The following NEB variants were observed in gnomAD, a reference collection of about 807,000 sequenced individuals.
NEB encodes nebulin.
Under a neutral mutation model 952.2 loss-of-function variants are expected in NEB, and 512 were observed. The ratio of observed to expected loss-of-function variants is 0.54; its 90% confidence interval spans 0.50 to 0.58. The LOEUF (loss-of-function observed/expected upper bound fraction) is 0.58. NEB is among the 20% of genes least tolerant of loss of function. The probability of loss-of-function intolerance (pLI) is 0.00; values close to 1 mark genes in which losing one functional copy is unlikely to be tolerated. For synonymous variants in NEB, 2,900 were observed against 3,149.8 expected (o/e 0.92, Z 2.66); for missense variants, 8,428 against 9,231.1 (o/e 0.91, Z 3.56).
intron 24 of NEB, chr2:151,689,580 G>A (rs1447515301): frequency 6.6e-6 from 1 of 152,140 alleles, no homozygotes; most frequent in Non-Finnish European, 1.5e-5. Context: ...TGTAAGGAAG[G>A]GAGTGTAAAG....
At position 151,570,312 on chromosome 2, in the gene NEB, G is replaced by A. The variant is rs2153756702; in HGVS notation, c.17199C>T (p.Arg5733=). The change falls in exon 109 of 182, where the codon CGC becomes CGT. Residue 5733 remains arginine (R), a synonymous_variant. Coordinates refer to ENST00000397345, the MANE Select transcript of NEB (RefSeq NM_001164508.2). Reference sequence around the variant, plus strand: ...GGAGCTTGTCAGCTATGAGGGCCCAGCGGATCTTGTTGTCATCCCTGGCTG... The same window carrying A: ...GGAGCTTGTCAGCTATGAGGGCCCAACGGATCTTGTTGTCATCCCTGGCTG... The part of the protein sequence containing the change: ...TLTARDDNKI[R]WALIADKLQN... 2 of 1,610,942 alleles carry A rather than the reference G, an allele frequency of 1.2e-6. No individual in the cohort carries two copies. Among genetic ancestry groups the A allele is most frequent in the Non-Finnish European group, 1.7e-6 (2 of 1,177,610 alleles).
intron 56 of NEB, 83 bp downstream of exon 56, chr2:151,644,385 T>C: frequency 2.3e-6 from 3 of 1,328,606 alleles, no homozygotes; most frequent in East Asian, 4.6e-5. Flanking sequence ...CCCTTAGATT[T>C]TGTTCAATTT....
In NEB at chr2:151,697,147, C is replaced by G. The variant is rs1220787593; in HGVS notation, c.1470+1G>C. The G allele has an allele frequency of 6.2e-7, 1 of 1,606,738 alleles. No individual in the cohort carries two copies. On this transcript the variant is annotated splice_donor_variant, in intron 16 of 181. Transcript: ENST00000397345. LOFTEE classifies it high-confidence loss of function. Reference sequence around the variant, plus strand: ...ATTCAAAGTTCAGACTACAGACTTACGTCTTTACACTGATCTAGTTTCTTA... The same window carrying G: ...ATTCAAAGTTCAGACTACAGACTTAGGTCTTTACACTGATCTAGTTTCTTA...
chr2:151,505,678 GTAAA>G, intron 164 of NEB, 108 bp from the exon 165 acceptor site: 1 of 896,226 alleles, frequency 1.1e-6, no homozygotes, highest in East Asian at 2.4e-5. Flanking sequence ...AATTAACAGT[GTAAA>G]TAACGCAGGC....
chr2:151,544,368 C>T (rs10186956), intron 135 of NEB, among the ~76,000 whole-genome samples: 1,549 of 152,194 alleles, frequency 0.01, 34 homozygotes, highest in African/African-American at 0.035. Context: ...AGATGTGGTG[C>T]GGTGGTTTTC....
chr2:151,492,164 C>T lies in NEB; in HGVS notation c.24991G>A (p.Gly8331Ser). ...ATTTCTACCACTTTCCTCTGAATACCTCGGTAGTTAATGTCACTGAAGTCC... is the reference window on the plus strand; with the variant it reads ...ATTTCTACCACTTTCCTCTGAATACTTCGGTAGTTAATGTCACTGAAGTCC... ...MQDFSDINYRGIQRKVVEMEQ... is the reference protein window; with the variant it reads ...MQDFSDINYRSIQRKVVEMEQ... The change falls in exon 178 of 182, where the codon GGT (glycine) becomes AGT (serine). Residue 8331 changes from glycine to serine, a missense_variant. Physicochemically the swap from Gly to Ser is moderately conservative, Grantham distance 56. This residue lies in a region of NEB where 3,374 missense variants were observed against 3,651.5 expected (regional missense o/e 0.92). Transcript: ENST00000397345. The T allele has an allele frequency of 1.2e-6, 2 of 1,613,858 alleles. No homozygotes were observed. Among genetic ancestry groups the T allele is most frequent in the Non-Finnish European group, 1.7e-6 (2 of 1,179,856 alleles).
chr2:151,578,535 C>T (rs2096965054), intron 105 of NEB, among the ~76,000 whole-genome samples: 1 of 151,610 alleles, frequency 6.6e-6, no homozygotes, highest in African/African-American at 2.4e-5. Context: ...GTGGCATGTG[C>T]TTGTAATCCC....
chr2:151,699,783 G>A (rs1320639379), intron 13 of NEB, among the ~76,000 whole-genome samples: 1 of 146,354 alleles, frequency 6.8e-6, no homozygotes, highest in Non-Finnish European at 1.5e-5. Context: ...AGATGAGTAG[G>A]TTGCGAAAAT....
At chr2:151,529,179 CA>C (rs1193245567) in intron 146 of NEB, 30 bp downstream of exon 146, 2 of 1,435,010 alleles carry the variant, frequency 1.4e-6, no homozygotes, top group African/African-American at 2.8e-5. Flanking sequence ...GTAAATCCCC[CA>C]CCATGCTTGG....
At chr2:151,508,794 C>T (rs921847111) in intron 161 of NEB, among the ~76,000 whole-genome samples, 2 of 152,258 alleles carry the variant, frequency 1.3e-5, no homozygotes, top group Admixed American at 1.3e-4. Context: ...CCTTGGGCTC[C>T]CCTGTCCTGC....
intron 63 of NEB, among the ~76,000 whole-genome samples, chr2:151,636,649 T>C (rs377131345): frequency 6.6e-6 from 1 of 152,080 alleles, no homozygotes; most frequent in African/African-American, 2.4e-5. Flanking sequence ...GGTGTGGTGG[T>C]GCATGCCTGC....
chr2:151,711,648 G>A (rs1391490365), intron 10 of NEB, among the ~76,000 whole-genome samples: 2 of 152,120 alleles, frequency 1.3e-5, no homozygotes, highest in African/African-American at 4.8e-5. Context: ...ACTTGACTTT[G>A]TCTTGACCAA....
chr2:151,496,163 A>G (rs1376200608), intron 173 of NEB, 113 bp downstream of exon 173: 3 of 1,237,918 alleles, frequency 2.4e-6, no homozygotes, highest in Non-Finnish European at 3.4e-6. Flanking sequence ...TTGCTAAAGA[A>G]ATTTCACAAA....
intron 140 of NEB, 76 bp downstream of exon 140, chr2:151,537,796 T>G: frequency 1.0e-6 from 1 of 965,316 alleles, no homozygotes. Flanking sequence ...TTCTTCAGTT[T>G]TTATGCCATG....
rs151204359 is a variant in NEB at position 151,657,936 on chromosome 2, G to A, written c.6183+47C>T. 1.3e-4 allele frequency: 172 copies of A among 1,331,262 alleles called. No homozygotes were observed. In the East Asian group the frequency reaches 2.1e-3, roughly 16 times the overall value. 82.5% of individuals were successfully genotyped at this position (1,331,262 alleles called of 1,614,324 possible). On this transcript the variant is annotated intron_variant, in intron 48 of 181. Coordinates refer to ENST00000397345, the MANE Select transcript of NEB (RefSeq NM_001164508.2). ...TCCAGAACTCAGCCCTTATTATTTC[G>A]GTTCCTTAGAAACCCCCAGCCAGGT...
At chr2:151,655,687 G>A (rs1575274751) in intron 50 of NEB, 130 bp downstream of exon 50, 7 of 900,474 alleles carry the variant, frequency 7.8e-6, no homozygotes, top group African/African-American at 1.7e-5. Context: ...GATGGTGTAG[G>A]GGAATGATCT....
chr2:151,561,566 C>T (rs530032320), intron 121 of NEB, among the ~76,000 whole-genome samples: 1 of 149,422 alleles, frequency 6.7e-6, no homozygotes, highest in African/African-American at 2.5e-5. Context: ...TGACAGCAGC[C>T]CCTCACTTTT....
intron 179 of NEB, among the ~76,000 whole-genome samples, chr2:151,490,921 T>C (rs773179992): frequency 3.9e-5 from 6 of 152,206 alleles, no homozygotes; most frequent in Non-Finnish European, 8.8e-5. Context: ...GTTCCCAAAA[T>C]ACCATGGGCA....
In NEB at chr2:151,677,750, T is replaced by G. The variant is rs1203909162; in HGVS notation, c.3589A>C (p.Asn1197His). The change falls in exon 34 of 182, where the codon AAC (asparagine) becomes CAC (histidine). Residue 1197 changes from asparagine to histidine, a missense_variant. By Grantham distance (68) the Asn-to-His change is moderately conservative. Around this residue, in one of 11 missense-constraint regions of NEB, gnomAD observed 2,851 missense variants for 2,791.5 expected, o/e 1.02. Coordinates refer to ENST00000397345, the MANE Select transcript of NEB (RefSeq NM_001164508.2). The stretch of plus-strand genomic sequence containing the variant: ...CAGCCAATGCCTTTCATCCAGTTGT[T>G]GTAGTCTTCCTTGTAGACGTTCTAC... ...QSDNVYKEDY[N>H]NWMKGIGWIP... 6.2e-7 allele frequency: 1 copy of G among 1,614,026 alleles called. No individual in the cohort carries two copies.
Sources: gnomAD v4.1 joint callset for allele counts (sites outside exome capture counted in the v4.1 genomes callset) on GRCh38, gnomAD v4.1.1 for gene constraint, gnomAD v4.1.1 regional missense constraint, MANE v1.5 for transcripts, NCBI Gene and HGNC (gene_info 2026-07-23, HGNC 2026-07-21) for gene names.